The following SPOP variants were observed in gnomAD, a reference collection of about 807,000 sequenced individuals.
SPOP encodes speckle-type POZ protein.
In SPOP, 11 loss-of-function variants were observed where a neutral mutation model predicts 45.6. The observed-to-expected ratio is 0.24, with a 90% CI of 0.15 to 0.40. SPOP has a LOEUF of 0.40. SPOP is among the 10% of genes least tolerant of loss of function. SPOP has a pLI of 1.00. For missense variants in SPOP, 152 were observed against 465.6 expected, an observed-to-expected ratio of 0.33 and a Z score of 6.20; for synonymous variants, 166 against 166.3, an observed-to-expected ratio of 1.00 and a Z score of 0.01.
At chr17:49,632,663 T>C (rs968748912) in intron 1 of SPOP, among the ~76,000 whole-genome samples, 7 of 152,166 alleles carry the variant, frequency 4.6e-5, no homozygotes, top group Non-Finnish European at 1.0e-4. Flanking sequence ...CAGGTAATTT[T>C]TGTATTTTTA....
chr17:49,600,209 TC>T lies in SPOP; in HGVS notation c.*168del. 1 of 856,486 alleles carries T rather than the reference TC, an allele frequency of 1.2e-6. No individual in the cohort carries two copies. The highest frequency in any genetic ancestry group is 1.8e-6 in the Non-Finnish European group (1 of 546,946). 53.1% of individuals were successfully genotyped at this position (856,486 alleles called of 1,614,324 possible). A position where few individuals can be genotyped will look rare whatever the true frequency, so the allele number is the denominator to read the frequency against. On this transcript the variant is annotated 3_prime_UTR_variant, in exon 10 of 10. Transcript: ENST00000504102. This position sits in a 1 kb window ranked among gnomAD's most constrained non-coding sequence, Gnocchi z 4.2. ...TCATTTCATTTTCCCTCCCCCCGTT[TC>T]CCCCAAGTTATTTAGTGCTGTTTTA... is the stretch of plus-strand genomic sequence containing the variant.
chr17:49,626,896 G>T (rs2072342256), intron 1 of SPOP, among the ~76,000 whole-genome samples: 2 of 152,080 alleles, frequency 1.3e-5, no homozygotes, highest in Admixed American at 1.3e-4. Flanking sequence ...CTGTCGCCCA[G>T]GCTGGAGTGC....
intron 1 of SPOP, 136 bp downstream of exon 1, chr17:49,677,797 G>C (rs2073222925): frequency 2.6e-6 from 1 of 380,754 alleles, no homozygotes; most frequent in East Asian, 3.8e-5. Flanking sequence ...CCGGGTGTAG[G>C]AAATGGGACT....
In SPOP at chr17:49,619,742, C is replaced by T. The variant is rs745980554; in HGVS notation, c.201-357G>A. Among the ~76,000 whole-genome samples the T allele has an allele frequency of 5.3e-5, 8 of 152,148 alleles. No homozygotes were observed. The highest frequency in any genetic ancestry group is 1.0e-4 in the Non-Finnish European group (7 of 68,026). ...GTTTCGCCATATTGCCCAGGCTGGT[C>T]TTGAATGCTTGAGCTCAAGCGATCC... On this transcript the variant is annotated intron_variant, in intron 3 of 9. Transcript: ENST00000504102. This position sits in a 1 kb window ranked among gnomAD's most constrained non-coding sequence, Gnocchi z 4.9.
intron 1 of SPOP, among the ~76,000 whole-genome samples, chr17:49,664,294 A>C (rs1296401835): frequency 6.6e-6 from 1 of 152,212 alleles, no homozygotes. Context: ...ACTTCAATCA[A>C]AACAAATTGT....
At chr17:49,633,599 T>C (rs2072491298) in intron 1 of SPOP, among the ~76,000 whole-genome samples, 1 of 152,208 alleles carries the variant, frequency 6.6e-6, no homozygotes, top group South Asian at 2.1e-4. Flanking sequence ...TCCCTTGCCC[T>C]AGAAACTATC....
chr17:49,608,692 T>C (rs2071902396), intron 6 of SPOP, among the ~76,000 whole-genome samples: 1 of 152,140 alleles, frequency 6.6e-6, no homozygotes, highest in African/African-American at 2.4e-5. Context: ...AAAATAATAA[T>C]CTCAACCACG....
chr17:49,644,822 TACAC>T (rs1003189442), intron 1 of SPOP, among the ~76,000 whole-genome samples: 1 of 152,196 alleles, frequency 6.6e-6, no homozygotes, highest in African/African-American at 2.4e-5. Flanking sequence ...TTTTCATACA[TACAC>T]ACATACATAC....
At chr17:49,677,591 C>A (rs1050713714) in intron 1 of SPOP, among the ~76,000 whole-genome samples, 1 of 152,114 alleles carries the variant, frequency 6.6e-6, no homozygotes, top group Admixed American at 6.5e-5. Flanking sequence ...AGCGAAGAAG[C>A]AGCCCGAGCG....
intron 1 of SPOP, among the ~76,000 whole-genome samples, chr17:49,625,729 G>T (rs2072316251): frequency 1.3e-5 from 2 of 152,056 alleles, no homozygotes; most frequent in Admixed American, 1.3e-4. Flanking sequence ...CAAATTTAAG[G>T]TTTATATATT....
chr17:49,627,101 G>C (rs1320892165), intron 1 of SPOP, among the ~76,000 whole-genome samples: 1 of 152,074 alleles, frequency 6.6e-6, no homozygotes, highest in African/African-American at 2.4e-5. Flanking sequence ...TGCCCACCTT[G>C]GCCTCCCAAA....
At chr17:49,668,114 G>A (rs2073086902) in intron 1 of SPOP, 1 of 152,190 alleles carries the variant, frequency 6.6e-6, no homozygotes, top group African/African-American at 2.4e-5. Context: ...TGTTTAGTGA[G>A]TACAGAGTTT....
intron 1 of SPOP, among the ~76,000 whole-genome samples, chr17:49,630,177 A>T (rs2072423256): frequency 6.6e-6 from 1 of 152,198 alleles, no homozygotes; most frequent in Non-Finnish European, 1.5e-5. Context: ...AAAAAGATTG[A>T]CGACAATTGC....
chr17:49,621,420 C>T lies in SPOP; in HGVS notation c.200+526G>A, dbSNP rs552805200. ...CTTGCTGGATCAAGCTACCTTCAAA[C>T]CCATCCTATACCCTGTCAATACAGT... On this transcript the variant is annotated intron_variant, in intron 3 of 9. Coordinates refer to ENST00000504102, the MANE Select transcript of SPOP (RefSeq NM_001007228.2). Among the ~76,000 whole-genome samples the T allele has an allele frequency of 2.6e-4, 39 of 152,332 alleles. No homozygotes were observed. The South Asian group carries it at 7.7e-3, about 30-fold the overall frequency.
At chr17:49,663,195 T>A (rs1169306159) in intron 1 of SPOP, among the ~76,000 whole-genome samples, 2 of 152,182 alleles carry the variant, frequency 1.3e-5, no homozygotes, top group African/African-American at 2.4e-5. Flanking sequence ...GTGCCTCCTG[T>A]GAGATCAGCC....
At chr17:49,604,544 T>A (rs1388473865) in intron 8 of SPOP, among the ~76,000 whole-genome samples, 2 of 152,152 alleles carry the variant, frequency 1.3e-5, no homozygotes, top group Non-Finnish European at 2.9e-5. Flanking sequence ...CTTGTGTCCT[T>A]AGACCAGAGC....
chr17:49,639,516 T>C (rs1385101415), intron 1 of SPOP, among the ~76,000 whole-genome samples: 1 of 152,220 alleles, frequency 6.6e-6, no homozygotes, highest in Non-Finnish European at 1.5e-5. Flanking sequence ...AATTGTGGTA[T>C]ATTCATATAA....
At chr17:49,646,511 G>A (rs1357705488) in intron 1 of SPOP, 13 of 148,760 alleles carry the variant, frequency 8.7e-5, no homozygotes, top group Non-Finnish European at 1.8e-4. Context: ...CAGCCTGGGT[G>A]ACCGTCTCAA....
At chr17:49,610,174 C>G (rs574480599) in intron 6 of SPOP, among the ~76,000 whole-genome samples, 1 of 152,230 alleles carries the variant, frequency 6.6e-6, no homozygotes, top group East Asian at 1.9e-4. Flanking sequence ...GAGGGCCTAG[C>G]TAAGTGTGGA....
Sources: allele counts gnomAD v4.1 joint callset (sites outside exome capture counted in the v4.1 genomes callset), GRCh38; gene constraint gnomAD v4.1.1; non-coding constraint Gnocchi (gnomAD v3.1); transcripts MANE v1.5; gene names NCBI Gene and HGNC (gene_info 2026-07-23, HGNC 2026-07-21).